KIAA0319L: variants seen among roughly 807,000 people sequenced by gnomAD.
KIAA0319L encodes KIAA0319 like, also known as dyslexia-associated protein KIAA0319-like protein.
KIAA0319L carries 55 observed loss-of-function variants against 120.1 expected under a neutral mutation model. The ratio of observed to expected loss-of-function variants is 0.46; its 90% CI spans 0.37 to 0.57. The LOEUF (loss-of-function observed/expected upper bound fraction) is 0.57, where lower values mean the gene tolerates loss of function less well. Among genes scored for constraint, KIAA0319L ranks in the 20% least tolerant of loss-of-function variants. The pLI is 0.00. For synonymous variants in KIAA0319L, 398 were observed against 471.9 expected (o/e 0.84, Z 2.03); for missense variants, 1,049 against 1,255.3 (o/e 0.84, Z 2.48).
chr1:35,474,932 G>C, intron 4 of KIAA0319L, 26 bp from the exon 5 acceptor site: 1 of 1,248,214 alleles, frequency 8.0e-7, no homozygotes, highest in Non-Finnish European at 1.2e-6. Flanking sequence ...ATATACCAGA[G>C]ATAAGAAATA....
chr1:35,517,024 T>C (rs1315263312), intron 2 of KIAA0319L, among the ~76,000 whole-genome samples: 1 of 151,762 alleles, frequency 6.6e-6, no homozygotes, highest in Non-Finnish European at 1.5e-5. Context: ...AGCTCTACAA[T>C]GAGAATTATA....
chr1:35,543,625 A>T (rs1447791049), intron 2 of KIAA0319L, among the ~76,000 whole-genome samples: 5 of 152,256 alleles, frequency 3.3e-5, no homozygotes, highest in Non-Finnish European at 7.3e-5. Flanking sequence ...CCCTCAAAGT[A>T]AGGGCAAACG....
At chr1:35,515,273 T>C (rs1460017369) in intron 2 of KIAA0319L, among the ~76,000 whole-genome samples, 1 of 150,216 alleles carries the variant, frequency 6.7e-6, no homozygotes, top group Non-Finnish European at 1.5e-5. Flanking sequence ...GATCGTGCCA[T>C]TGCACTCCAG....
chr1:35,460,726 C>A (rs993019068), intron 8 of KIAA0319L, among the ~76,000 whole-genome samples: 1 of 152,136 alleles, frequency 6.6e-6, no homozygotes, highest in Non-Finnish European at 1.5e-5. Context: ...TGAAAAAATA[C>A]CCAACCTCAC....
At chr1:35,477,397 G>A (rs913521676) in intron 4 of KIAA0319L, among the ~76,000 whole-genome samples, 3 of 152,186 alleles carry the variant, frequency 2.0e-5, no homozygotes, top group Non-Finnish European at 4.4e-5. Flanking sequence ...GCCGGGCGCG[G>A]TGGCTCACGC....
At chr1:35,542,430 A>G (rs1227835489) in intron 2 of KIAA0319L, among the ~76,000 whole-genome samples, 2 of 152,218 alleles carry the variant, frequency 1.3e-5, no homozygotes, top group African/African-American at 2.4e-5. Context: ...AAAGGCAGGT[A>G]GTCAAGACCA....
rs759564420 is a variant in KIAA0319L at position 35,453,182 on chromosome 1, T to C, written c.1913+375A>G. ...TTTCAATTTCTCTTAATAGCTGCTC[T>C]GCCCCATCCCCCGTGCCAGCCTTAC... is the stretch of plus-strand genomic sequence containing the variant. On this transcript the variant is annotated intron_variant, in intron 12 of 20. Coordinates refer to ENST00000325722, the MANE Select transcript of KIAA0319L (RefSeq NM_024874.5). This position sits in a 1 kb window ranked among gnomAD's most constrained non-coding sequence, Gnocchi z 4.1. 8.5e-5 allele frequency among the ~76,000 whole-genome samples: 13 copies of C among 152,220 alleles called. No homozygotes were observed. The highest frequency in any genetic ancestry group is 1.6e-4 in the Non-Finnish European group (11 of 68,036).
intron 3 of KIAA0319L, among the ~76,000 whole-genome samples, chr1:35,479,942 T>C (rs1419287685): frequency 2.7e-5 from 1 of 37,680 alleles, no homozygotes; most frequent in Non-Finnish European, 5.7e-5. Context: ...ATGTTTATGA[T>C]GAGCCAAAAA....
chr1:35,469,715 C>T (rs1289413794), intron 6 of KIAA0319L, among the ~76,000 whole-genome samples: 1 of 151,896 alleles, frequency 6.6e-6, no homozygotes, highest in East Asian at 1.9e-4. Context: ...GTTATAATTA[C>T]CTGCTTCCTA....
intron 2 of KIAA0319L, among the ~76,000 whole-genome samples, chr1:35,518,221 T>C (rs1396553129): frequency 2.0e-5 from 3 of 152,176 alleles, no homozygotes; most frequent in Admixed American, 6.5e-5. Context: ...ACTGGGTATA[T>C]ACCCAGAGGG....
chr1:35,441,261 CTCA>C, intron 19 of KIAA0319L, 123 bp from the exon 20 acceptor site: 2 of 758,842 alleles, frequency 2.6e-6, no homozygotes, highest in Non-Finnish European at 4.6e-6. Flanking sequence ...GTGTCCTCTC[CTCA>C]CTTCTCAGCC....
Position 35,437,793 on chromosome 1 carries a change from CA to C in KIAA0319L, c.2963-2713del, listed in dbSNP as rs1327798880. Among the ~76,000 whole-genome samples the C allele has an allele frequency of 1.3e-5, 2 of 152,206 alleles. No individual in the cohort carries two copies. The highest frequency in any genetic ancestry group is 2.9e-5 in the Non-Finnish European group (2 of 68,046). ...TGTGACCCTTTGTGGTGCTGATCCT[CA>C]CCAGCAGATGGGAGATTCCTATTTC... On this transcript the variant is annotated intron_variant, in intron 20 of 20. Transcript: ENST00000325722. This position sits in a 1 kb window ranked among gnomAD's most constrained non-coding sequence, Gnocchi z 4.1.
At chr1:35,461,109 T>C (rs979399040) in intron 8 of KIAA0319L, among the ~76,000 whole-genome samples, 4 of 152,174 alleles carry the variant, frequency 2.6e-5, no homozygotes, top group Non-Finnish European at 5.9e-5. Flanking sequence ...TATACATCTA[T>C]ATGATGGAAT....
upstream of KIAA0319L, chr1:35,557,611 T>C: frequency 2.2e-6 from 1 of 451,048 alleles, no homozygotes; most frequent in South Asian, 1.6e-5. Flanking sequence ...GTCTGCACCT[T>C]GCCTCCTTCG....
At chr1:35,499,706 GA>G (rs376319288) in intron 3 of KIAA0319L, among the ~76,000 whole-genome samples, 2 of 139,652 alleles carry the variant, frequency 1.4e-5, no homozygotes, top group East Asian at 2.1e-4. Context: ...GCTATGAAGG[GA>G]AAAAAAAATA....
chr1:35,506,941 G>T lies in KIAA0319L; in HGVS notation c.337C>A (p.Pro113Thr). 1 of 1,613,930 alleles carries T rather than the reference G, an allele frequency of 6.2e-7. No homozygotes were observed. Among genetic ancestry groups the T allele is most frequent in the Non-Finnish European group, 8.5e-7 (1 of 1,179,926 alleles). ...GMCIQADCSRPQSCRAFRTHS... is the reference protein window; with the variant it reads ...GMCIQADCSRTQSCRAFRTHS... ...GTCCTAAAAGCCCGGCAGCTCTGGG[G>T]CCTGCTGCAGTCTGCCTGAATGCAC... The change falls in exon 3 of 21, where the codon CCC (proline) becomes ACC (threonine). Residue 113 changes from proline to threonine, a missense_variant. Physicochemically the swap from Pro to Thr is conservative, Grantham distance 38. Transcript: ENST00000325722. This position sits in a 1 kb window ranked among gnomAD's most constrained non-coding sequence, Gnocchi z 4.0.
intron 2 of KIAA0319L, chr1:35,510,534 A>T (rs1166624088): frequency 6.6e-6 from 1 of 152,144 alleles, no homozygotes; most frequent in Non-Finnish European, 1.5e-5. Context: ...TTCAGAAGGC[A>T]GTCGTTACTC....
In KIAA0319L at chr1:35,474,165, C is replaced by T. The variant is rs144507110; in HGVS notation, c.1015+640G>A. Reference sequence around the variant, plus strand: ...GGTCCTGTGAGGATAGGATATAACCCGGGTATGCACAAATATTTATGGAAT... The same window carrying T: ...GGTCCTGTGAGGATAGGATATAACCTGGGTATGCACAAATATTTATGGAAT... On this transcript the variant is annotated intron_variant, in intron 5 of 20. Transcript: ENST00000325722. Among the ~76,000 whole-genome samples the T allele has an allele frequency of 5.9e-5, 9 of 152,096 alleles. No homozygotes were observed. The East Asian group carries it at 9.6e-4, about 16-fold the overall frequency.
rs1418251840 is a variant in KIAA0319L at position 35,541,320 on chromosome 1, C to G, written c.142+13030G>C. ...GAAGGAAGGAAGCACAGGACAAACT[C>G]TGCAAGCTACTTCTTTTTTTTTTTT... On this transcript the variant is annotated intron_variant, in intron 2 of 20. Transcript: ENST00000325722. 2.1e-5 allele frequency among the ~76,000 whole-genome samples: 3 copies of G among 145,782 alleles called. No homozygotes were observed. In the Admixed American group the frequency reaches 2.1e-4, roughly 10 times the overall value.
Sources: allele counts gnomAD v4.1 joint callset (sites outside exome capture counted in the v4.1 genomes callset), GRCh38; gene constraint gnomAD v4.1.1; non-coding constraint Gnocchi (gnomAD v3.1); transcripts MANE v1.5; gene names NCBI Gene and HGNC (gene_info 2026-07-23, HGNC 2026-07-21).